The following TNC variants were observed in gnomAD, a reference collection of about 807,000 sequenced individuals.
TNC encodes the protein tenascin.
Under a neutral mutation model 202.4 loss-of-function variants are expected in TNC, and 109 were observed. The ratio of observed to expected loss-of-function variants is 0.54; its 90% CI spans 0.46 to 0.63. The LOEUF (loss-of-function observed/expected upper bound fraction) is 0.63, where lower values mean the gene tolerates loss of function less well. Among genes scored for constraint, TNC ranks in the 30% least tolerant of loss-of-function variants. The pLI is 0.00. For synonymous variants in TNC, 1,007 were observed against 1,089.7 expected (o/e 0.92, Z 1.50); for missense variants, 2,756 against 2,833.3 (o/e 0.97, Z 0.62).
intron 15 of TNC, among the ~76,000 whole-genome samples, 182 bp downstream of exon 15, chr9:115,056,971 T>C: frequency 6.6e-6 from 1 of 152,226 alleles, no homozygotes; most frequent in East Asian, 1.9e-4. Flanking sequence ...CATGTCTTTA[T>C]GGCAATGCAT....
At position 115,064,630 on chromosome 9, in the gene TNC, A is replaced by G. The variant is rs1277168550; in HGVS notation, c.3487+17T>C. 3.8e-6 allele frequency: 6 copies of G among 1,580,936 alleles called. No homozygotes were observed. Among genetic ancestry groups the G allele is most frequent in the Non-Finnish European group, 4.3e-6 (5 of 1,161,088 alleles). On this transcript the variant is annotated intron_variant, in intron 11 of 27. Coordinates refer to ENST00000350763, the MANE Select transcript of TNC (RefSeq NM_002160.4). ...GCTGGGAAAAACAGAAGCTATAAAT[A>G]GAAAGGAAAGAGATACCTGTGGAGG... is the stretch of plus-strand genomic sequence containing the variant.
intron 4 of TNC, among the ~76,000 whole-genome samples, chr9:115,083,411 T>C (rs1834457346): frequency 6.6e-6 from 1 of 152,196 alleles, no homozygotes; most frequent in African/African-American, 2.4e-5. Flanking sequence ...TGATCTCCAC[T>C]GAAAAGTAAT....
chr9:115,064,538 C>T, intron 11 of TNC, 109 bp downstream of exon 11: 1 of 1,361,658 alleles, frequency 7.3e-7, no homozygotes, highest in South Asian at 1.4e-5. Flanking sequence ...ACCCCATAGA[C>T]ATAAGTAGTG....
chr9:115,091,279 A>G (rs1835212236), intron 1 of TNC, 125 bp from the exon 2 acceptor site: 1 of 465,688 alleles, frequency 2.1e-6, no homozygotes, highest in Non-Finnish European at 3.8e-6. Flanking sequence ...ATTTTTCATT[A>G]TATACCCTTG....
In TNC at chr9:115,048,334, A is replaced by G. The variant is rs984225681; in HGVS notation, c.4778T>C (p.Ile1593Thr). The G allele has an allele frequency of 3.1e-6, 5 of 1,614,048 alleles. No homozygotes were observed. Among genetic ancestry groups the G allele is most frequent in the Non-Finnish European group, 4.2e-6 (5 of 1,179,946 alleles). The change falls in exon 16 of 28, where the codon ATT becomes ACT. Residue 1593 changes from isoleucine to threonine, a missense_variant. Physicochemically the swap from Ile to Thr is moderately conservative, Grantham distance 89 (BLOSUM62 -1). Coordinates refer to ENST00000350763, the MANE Select transcript of TNC (RefSeq NM_002160.4). Reference sequence around the variant, plus strand: ...GCCAGAGACCATAACCTCATAGCCAATGCCAGTTATGAGGCCTCTAAGCTC... The same window carrying G: ...GCCAGAGACCATAACCTCATAGCCAGTGCCAGTTATGAGGCCTCTAAGCTC... ...KLELRGLITG[I>T]GYEVMVSGFT...
chr9:115,033,985 G>A (rs1307929800), intron 22 of TNC, among the ~76,000 whole-genome samples: 1 of 152,240 alleles, frequency 6.6e-6, no homozygotes, highest in African/African-American at 2.4e-5. Context: ...TGTCTTTAAA[G>A]GCCAATGTGG....
intron 15 of TNC, among the ~76,000 whole-genome samples, chr9:115,053,868 C>T (rs1036972269): frequency 2.6e-5 from 4 of 152,122 alleles, no homozygotes; most frequent in African/African-American, 7.2e-5. Flanking sequence ...GAATTTTCTG[C>T]TTAGGAAACT....
chr9:115,051,577 T>G (rs1831669120), intron 15 of TNC, among the ~76,000 whole-genome samples: 1 of 151,778 alleles, frequency 6.6e-6, no homozygotes, highest in Admixed American at 6.6e-5. Flanking sequence ...AATGCATTTT[T>G]TTTTTAATCA....
rs138489311 is a variant in TNC, at chr9:115,034,530, G to A, written c.5787+674C>T. Among the ~76,000 whole-genome samples, 40 of 152,218 alleles carry A rather than the reference G, an allele frequency of 2.6e-4. No homozygotes were observed. In the East Asian group the frequency reaches 7.5e-3, roughly 29 times the overall value. On this transcript the variant is annotated intron_variant, in intron 22 of 27. Transcript: ENST00000350763. The stretch of plus-strand genomic sequence containing the variant: ...GTGCAGGATATAGAATAAAATACCA[G>A]CAACATATTCTTAGAGATAAAGAGA...
chr9:115,081,041 A>G (rs1227170933), intron 6 of TNC, among the ~76,000 whole-genome samples: 1 of 152,182 alleles, frequency 6.6e-6, no homozygotes, highest in Admixed American at 6.5e-5. Context: ...TTAGGTTCCC[A>G]TTGAAGAGAT....
At chr9:115,069,774 C>CCCTTCCTTCCTTCCTTCCTT (rs1564467746) in intron 10 of TNC, among the ~76,000 whole-genome samples, 1 of 8,336 alleles carries the variant, frequency 1.2e-4, no homozygotes, top group Admixed American at 9.2e-4. Flanking sequence ...CTCCCTCCCT[C>CCCTTCCTTCCTTCCTTCCTT]CCTTCCTTCC....
chr9:115,052,245 C>G (rs1183363536), intron 15 of TNC, among the ~76,000 whole-genome samples: 1 of 151,796 alleles, frequency 6.6e-6, no homozygotes, highest in Non-Finnish European at 1.5e-5. Flanking sequence ...TTTGTGTAAT[C>G]TAAGAAAGCT....
chr9:115,028,197 G>T (rs932615201), intron 25 of TNC, among the ~76,000 whole-genome samples: 10 of 152,058 alleles, frequency 6.6e-5, no homozygotes, highest in Non-Finnish European at 1.5e-4. Context: ...CTGCCTTAAG[G>T]TCCATAAATA....
At chr9:115,109,272 T>C (rs779645264) in intron 1 of TNC, among the ~76,000 whole-genome samples, 1 of 152,236 alleles carries the variant, frequency 6.6e-6, no homozygotes, top group Non-Finnish European at 1.5e-5. Context: ...GAATGCCAGT[T>C]TCTGTGCTAA....
At position 115,046,579 on chromosome 9, in the gene TNC, G is replaced by A. The variant is rs184966939; in HGVS notation, c.4956C>T (p.Leu1652=). ...ACTGCTTTTTGGTATCTCTGATTTT[G>A]AGAACAAAATTGTCGAAGACCCCTT... is the stretch of plus-strand genomic sequence containing the variant. The part of the protein sequence containing the change: ...ADEGVFDNFV[L]KIRDTKKQSE... The change falls in exon 17 of 28, where the codon CTC becomes CTT. Residue 1652 remains leucine, a synonymous_variant. Coordinates refer to ENST00000350763, the MANE Select transcript of TNC (RefSeq NM_002160.4). 10 of 1,614,080 alleles carry A rather than the reference G, an allele frequency of 6.2e-6. No individual in the cohort carries two copies. In the Admixed American group the frequency reaches 1.0e-4, roughly 16 times the overall value.
In TNC at chr9:115,036,248, A is replaced by C; in HGVS notation, c.5513-7T>G. 6.2e-7 allele frequency: 1 copy of C among 1,614,058 alleles called. No homozygotes were observed. ...GTGCGTGTAATTTCTGGCACTAAAC[A>C]TGAAATACACATACCAAGGCAGTCA... is the stretch of plus-strand genomic sequence containing the variant. On this transcript the variant is annotated splice_region_variant and splice_polypyrimidine_tract_variant and intron_variant, in intron 20 of 27. Transcript: ENST00000350763.
intron 17 of TNC, among the ~76,000 whole-genome samples, chr9:115,045,664 G>C (rs935672799): frequency 8.8e-5 from 13 of 147,498 alleles, no homozygotes; most frequent in African/African-American, 3.3e-4. Flanking sequence ...TTACAGGTGT[G>C]AGCCATCACT....
At chr9:115,055,809 A>C (rs1190768007) in intron 15 of TNC, 1 of 152,532 alleles carries the variant, frequency 6.6e-6, no homozygotes, top group Non-Finnish European at 1.5e-5. Context: ...TTGTAGAGTC[A>C]AAATCAAAAC....
chr9:115,070,446 G>T (rs1387843088), intron 10 of TNC, among the ~76,000 whole-genome samples: 1 of 152,220 alleles, frequency 6.6e-6, no homozygotes, highest in Admixed American at 6.5e-5. Flanking sequence ...GGAATGAGTG[G>T]CAGGACTGAG....
Sources: gnomAD v4.1 joint callset for allele counts (sites outside exome capture counted in the v4.1 genomes callset) on GRCh38, gnomAD v4.1.1 for gene constraint, MANE v1.5 for transcripts, NCBI Gene and HGNC (gene_info 2026-07-23, HGNC 2026-07-21) for gene names.